The following PATJ variants were observed in gnomAD, a reference collection of about 807,000 sequenced individuals.
PATJ encodes PATJ crumbs cell polarity complex component.
Under a neutral mutation model 224.9 loss-of-function variants are expected in PATJ, and 190 were observed. The observed-to-expected ratio is 0.84, with a 90% CI of 0.75 to 0.95. The LOEUF is 0.95. PATJ is among the 40% of genes least tolerant of loss of function. The probability of loss-of-function intolerance (pLI) is 0.00; values close to 1 mark genes in which losing one functional copy is unlikely to be tolerated. For synonymous variants in PATJ, 769 were observed against 820.3 expected, an observed-to-expected ratio of 0.94 and a Z score of 1.07; for missense variants, 2,121 against 2,270.3, an observed-to-expected ratio of 0.93 and a Z score of 1.34.
chr1:61,778,711 TAG>T (rs68190860), intron 7 of PATJ, among the ~76,000 whole-genome samples: 4 of 151,504 alleles, frequency 2.6e-5, no homozygotes, highest in South Asian at 2.1e-4. Flanking sequence ...TATATATATA[TAG>T]AGAGAGAGAT....
chr1:61,792,359 C>T (rs1341525865), intron 9 of PATJ, among the ~76,000 whole-genome samples: 1 of 152,120 alleles, frequency 6.6e-6, no homozygotes, highest in African/African-American at 2.4e-5. Flanking sequence ...AAAACCACAT[C>T]AAGTAGTTTT....
intron 22 of PATJ, among the ~76,000 whole-genome samples, chr1:61,894,012 C>T (rs772309323): frequency 9.2e-5 from 14 of 151,722 alleles, no homozygotes; most frequent in Non-Finnish European, 1.8e-4. Flanking sequence ...CCTAGCACTT[C>T]GGGAGGCTGA....
intron 37 of PATJ, 48 bp from the exon 38 acceptor site, chr1:62,121,133 G>T (rs751854710): frequency 2.5e-6 from 3 of 1,182,888 alleles, no homozygotes; most frequent in Non-Finnish European, 3.7e-6. Context: ...GCATTTAGGG[G>T]GTCAAGTCAG....
intron 7 of PATJ, among the ~76,000 whole-genome samples, chr1:61,785,681 C>T (rs2148472152): frequency 6.6e-6 from 1 of 152,110 alleles, no homozygotes; most frequent in South Asian, 2.1e-4. Context: ...TCTGACTAAA[C>T]AAATTTAGGA....
In PATJ at chr1:61,836,074, A is replaced by G. The variant is rs117550743; in HGVS notation, c.2112+2289A>G. ...AATGTTTCAGAACTCAAAAAAATTC[A>G]GTAAAGGATGGAAAGAAAAACTAGA... On this transcript the variant is annotated intron_variant, in intron 17 of 43. Transcript: ENST00000642238. 4.9e-4 allele frequency among the ~76,000 whole-genome samples: 75 copies of G among 152,318 alleles called. 2 individuals are homozygous for G. The East Asian group carries it at 0.013, about 27-fold the overall frequency.
intron 30 of PATJ, among the ~76,000 whole-genome samples, chr1:62,040,157 G>A (rs866217640): frequency 7.9e-5 from 12 of 150,980 alleles, no homozygotes; most frequent in East Asian, 3.9e-4. Flanking sequence ...TCACCCAGGC[G>A]GAGTGCAGTG....
At chr1:61,840,769 G>T (rs568644588) in intron 17 of PATJ, among the ~76,000 whole-genome samples, 26 of 152,148 alleles carry the variant, frequency 1.7e-4, no homozygotes, top group African/African-American at 6.0e-4. Flanking sequence ...ATAGGTAGGT[G>T]ATAAATTCCT....
In PATJ at chr1:62,117,097, A is replaced by G. The variant is rs751264970; in HGVS notation, c.4804-35A>G. The G allele has an allele frequency of 5.9e-6, 9 of 1,517,454 alleles. No individual in the cohort carries two copies. In the Admixed American group the frequency reaches 6.8e-5, roughly 11 times the overall value. 94.0% of individuals were successfully genotyped at this position (1,517,454 alleles called of 1,614,324 possible). Reference sequence around the variant, plus strand: ...GATATTTCAGAATATAAATGCTACTACTTTTCATTTCTGTTCTTTTCTTGC... The same window carrying G: ...GATATTTCAGAATATAAATGCTACTGCTTTTCATTTCTGTTCTTTTCTTGC... On this transcript the variant is annotated intron_variant, in intron 36 of 43. Coordinates refer to ENST00000642238, the MANE Select transcript of PATJ (RefSeq NM_001350145.3).
intron 37 of PATJ, among the ~76,000 whole-genome samples, chr1:62,119,092 C>T (rs1030353702): frequency 6.6e-5 from 10 of 151,886 alleles, no homozygotes; most frequent in African/African-American, 2.4e-4. Flanking sequence ...GTATCAAATA[C>T]TTTGCCCTAA....
Position 61,769,336 on chromosome 1 carries a change from A to G in PATJ, c.438A>G (p.Gly146=), listed in dbSNP as rs376931763. ...DIERPSTGGL[G]FSVVALRSQN... ...AACGGCCTTCAACTGGAGGCCTTGGATTCAGTGTGGTGGCCCTCAGAAGTC... is the reference window on the plus strand; with the variant it reads ...AACGGCCTTCAACTGGAGGCCTTGGGTTCAGTGTGGTGGCCCTCAGAAGTC... Residue 146 remains glycine (G), a synonymous_variant, in exon 5 of 44, where the codon GGA becomes GGG. Coordinates refer to ENST00000642238, the MANE Select transcript of PATJ (RefSeq NM_001350145.3). The G allele has an allele frequency of 9.3e-6, 15 of 1,613,746 alleles. No homozygotes were observed. In the African/African-American group the frequency reaches 1.7e-4, roughly 19 times the overall value.
chr1:61,930,221 G>C (rs959402291), intron 27 of PATJ, among the ~76,000 whole-genome samples: 1 of 152,062 alleles, frequency 6.6e-6, no homozygotes, highest in East Asian at 1.9e-4. Context: ...TCCTCCAGAA[G>C]AATTTGAACT....
At chr1:61,952,073 G>A (rs74076836) in intron 27 of PATJ, 5,767 of 332,982 alleles carry the variant, frequency 0.017, 338 homozygotes, top group African/African-American at 0.11. Flanking sequence ...GCAGCGTGAA[G>A]CATCCAAGGG....
chr1:62,143,139 G>A (rs1667665507), intron 41 of PATJ, among the ~76,000 whole-genome samples: 1 of 152,070 alleles, frequency 6.6e-6, no homozygotes, highest in African/African-American at 2.4e-5. Context: ...ACAGCAAGCA[G>A]GAGTGGAGGG....
At chr1:62,038,180 A>G (rs188600364) in intron 30 of PATJ, 131 bp downstream of exon 30, 32 of 516,586 alleles carry the variant, frequency 6.2e-5, no homozygotes, top group Middle Eastern at 2.8e-4. Flanking sequence ...ACCAAAATGG[A>G]AAGTATTGAG....
chr1:61,937,891 C>G (rs1242346061), intron 27 of PATJ, among the ~76,000 whole-genome samples: 1 of 152,110 alleles, frequency 6.6e-6, no homozygotes, highest in Non-Finnish European at 1.5e-5. Flanking sequence ...CTCAGATGAT[C>G]CACCTGCCTC....
chr1:61,901,577 T>C, intron 24 of PATJ, 118 bp downstream of exon 24: 1 of 658,368 alleles, frequency 1.5e-6, no homozygotes, highest in Non-Finnish European at 2.5e-6. Context: ...GTTGGTGTGC[T>C]CTATTTATAT....
chr1:61,954,304 T>A (rs944823290), intron 27 of PATJ, among the ~76,000 whole-genome samples: 1 of 152,216 alleles, frequency 6.6e-6, no homozygotes, highest in African/African-American at 2.4e-5. Flanking sequence ...ATGTTTCTTT[T>A]TGGCATATTT....
intron 10 of PATJ, among the ~76,000 whole-genome samples, chr1:61,796,752 CCTTT>C (rs1651384723): frequency 1.8e-5 from 2 of 110,854 alleles, no homozygotes; most frequent in African/African-American, 3.8e-5. Flanking sequence ...TTTTTTTCTT[CCTTT>C]CTTCCTTTCT....
chr1:61,847,254 A>G (rs1015705725), intron 17 of PATJ, among the ~76,000 whole-genome samples: 9 of 152,226 alleles, frequency 5.9e-5, no homozygotes, highest in African/African-American at 2.2e-4. Context: ...TTTTTAAAGT[A>G]CTAAGCTTTA....
Sources: gnomAD v4.1 joint callset for allele counts (sites outside exome capture counted in the v4.1 genomes callset) on GRCh38, gnomAD v4.1.1 for gene constraint, MANE v1.5 for transcripts, NCBI Gene and HGNC (gene_info 2026-07-23, HGNC 2026-07-21) for gene names.